Variants in PCDH15 observed in about 807,000 individuals in gnomAD.
PCDH15 encodes the protein protocadherin-15.
PCDH15 carries 129 observed loss-of-function variants against 178.5 expected under a neutral mutation model. That is an observed-to-expected ratio of 0.72 (90% confidence interval 0.63 to 0.84). The LOEUF (loss-of-function observed/expected upper bound fraction) is 0.84. Ranked by LOEUF, PCDH15 falls within the 40% of genes least tolerant of loss-of-function variation. The pLI is 0.00. For missense variants in PCDH15, 2,230 were observed against 2,099.9 expected (o/e 1.06, Z -1.21); for synonymous variants, 800 against 732.0 (o/e 1.09, Z -1.50).
Position 53,938,811 on chromosome 10 carries a change from T to G in PCDH15, c.3373+4A>C. 6.2e-7 allele frequency: 1 copy of G among 1,612,568 alleles called. No homozygotes were observed. The highest frequency in any genetic ancestry group is 8.5e-7 in the Non-Finnish European group (1 of 1,179,462). On this transcript the variant is annotated splice_donor_region_variant and intron_variant, in intron 25 of 37. Transcript: ENST00000644397. ...TGGTAAAAGCTTTAAGTAGTATAAC[T>G]TACTTTTTGAAGGAACTCGGAGATT...
intron 18 of PCDH15, among the ~76,000 whole-genome samples, chr10:54,046,984 C>T (rs1213593426): frequency 6.6e-6 from 1 of 151,870 alleles, no homozygotes; most frequent in Admixed American, 6.6e-5. Flanking sequence ...CTGAACTGAA[C>T]TAAAGTGAAT....
intron 9 of PCDH15, among the ~76,000 whole-genome samples, chr10:54,225,085 T>C (rs974938514): frequency 1.3e-5 from 2 of 152,114 alleles, no homozygotes; most frequent in East Asian, 1.9e-4. Flanking sequence ...AAAGATTTTA[T>C]TGGGTTGCTT....
chr10:55,345,155 CTCTA>C (rs1287185662), intron 2 of PCDH15, among the ~76,000 whole-genome samples: 9 of 151,368 alleles, frequency 5.9e-5, no homozygotes, highest in Non-Finnish European at 1.2e-4. Context: ...CTCTCTCTCT[CTCTA>C]TATATATATA....
At chr10:55,218,729 A>C (rs769267501) in intron 1 of PCDH15, among the ~76,000 whole-genome samples, 1 of 151,972 alleles carries the variant, frequency 6.6e-6, no homozygotes, top group Non-Finnish European at 1.5e-5. Context: ...GGTGTGGAAA[A>C]CTTTGGGCAC....
At chr10:54,017,892 T>C (rs1403466455) in intron 20 of PCDH15, among the ~76,000 whole-genome samples, 2 of 151,964 alleles carry the variant, frequency 1.3e-5, no homozygotes, top group Admixed American at 1.3e-4. Context: ...AAAAATAAAA[T>C]CCATACCCCA....
intron 3 of PCDH15, among the ~76,000 whole-genome samples, chr10:54,525,632 C>G (rs11819024): frequency 0.044 from 6,629 of 151,924 alleles, 354 homozygotes; most frequent in African/African-American, 0.13. Context: ...CTAATTTTTG[C>G]ATTTTTAGTA....
chr10:55,233,048 A>T (rs148916834), intron 1 of PCDH15, among the ~76,000 whole-genome samples: 15 of 109,690 alleles, frequency 1.4e-4, no homozygotes, highest in African/African-American at 4.8e-4. Context: ...ACTAATACAC[A>T]GATATTTGGA....
intron 2 of PCDH15, among the ~76,000 whole-genome samples, chr10:54,912,986 T>C (rs540063325): frequency 1.5e-4 from 23 of 152,242 alleles, no homozygotes; most frequent in Non-Finnish European, 2.8e-4. Flanking sequence ...AAGCCTACAC[T>C]CATCTGCATA....
intron 13 of PCDH15, among the ~76,000 whole-genome samples, chr10:54,167,085 C>A (rs1248400733): frequency 3.3e-5 from 5 of 152,206 alleles, no homozygotes; most frequent in Admixed American, 6.5e-5. Context: ...ATGTTGCTCA[C>A]ACAAAGCCTG....
At chr10:54,415,835 G>T (rs890794688) in intron 3 of PCDH15, among the ~76,000 whole-genome samples, 1 of 151,748 alleles carries the variant, frequency 6.6e-6, no homozygotes, top group Non-Finnish European at 1.5e-5. Flanking sequence ...ATCTCGATTG[G>T]GTAAAAGACA....
chr10:53,987,464 T>C (rs925381868), intron 21 of PCDH15, among the ~76,000 whole-genome samples: 12 of 152,134 alleles, frequency 7.9e-5, no homozygotes, highest in Non-Finnish European at 1.6e-4. Flanking sequence ...TAGGTTTAAA[T>C]ATGGAAAATA....
At chr10:53,935,814 A>C (rs1221580087) in intron 25 of PCDH15, among the ~76,000 whole-genome samples, 1 of 151,986 alleles carries the variant, frequency 6.6e-6, no homozygotes, top group Non-Finnish European at 1.5e-5. Context: ...AGTATTTGCT[A>C]TGGAGACGTT....
At chr10:54,223,459 T>C (rs1181978609) in intron 9 of PCDH15, among the ~76,000 whole-genome samples, 1 of 116,652 alleles carries the variant, frequency 8.6e-6, no homozygotes, top group African/African-American at 3.0e-5. Flanking sequence ...GAGGTACGGA[T>C]TGAAGTTTAT....
chr10:54,321,078 A>AT (rs33962172), intron 7 of PCDH15, among the ~76,000 whole-genome samples: 67,871 of 149,050 alleles, frequency 0.46, 16,046 homozygotes, highest in Middle Eastern at 0.59. Context: ...TACATTTGAC[A>AT]TTTTTCTCAA....
At chr10:54,219,769 G>A (rs1279515344) in intron 9 of PCDH15, among the ~76,000 whole-genome samples, 1 of 151,556 alleles carries the variant, frequency 6.6e-6, no homozygotes, top group Non-Finnish European at 1.5e-5. Flanking sequence ...AATAAACACT[G>A]ACTGATATTT....
chr10:54,880,526 C>G (rs1954243453), intron 3 of PCDH15, among the ~76,000 whole-genome samples: 2 of 151,524 alleles, frequency 1.3e-5, no homozygotes, highest in Admixed American at 6.6e-5. Context: ...GTTTAAAACC[C>G]TAAAGTTGGT....
chr10:54,573,797 T>G (rs1274390216), intron 2 of PCDH15, among the ~76,000 whole-genome samples: 2 of 152,198 alleles, frequency 1.3e-5, no homozygotes, highest in Admixed American at 6.6e-5. Context: ...AACAGCGTCC[T>G]GTGAACACTA....
intron 26 of PCDH15, among the ~76,000 whole-genome samples, chr10:53,867,236 T>C (rs114212020): frequency 1.1e-3 from 171 of 152,162 alleles, no homozygotes; most frequent in African/African-American, 3.6e-3. Context: ...AATAAGAACA[T>C]GTATGTGGCA....
At chr10:54,301,632 ACT>A (rs1312806159) in intron 8 of PCDH15, among the ~76,000 whole-genome samples, 1 of 152,078 alleles carries the variant, frequency 6.6e-6, no homozygotes, top group Non-Finnish European at 1.5e-5. Flanking sequence ...CCTTGATATA[ACT>A]CTCTCCAGCC....
Sources: gnomAD v4.1 joint callset for allele counts (sites outside exome capture counted in the v4.1 genomes callset) on GRCh38, gnomAD v4.1.1 for gene constraint, MANE v1.5 for transcripts, NCBI Gene and HGNC (gene_info 2026-07-23, HGNC 2026-07-21) for gene names.